Variants in GBE1 observed in about 807,000 individuals in gnomAD.
The protein encoded by GBE1 is 1,4-alpha-glucan-branching enzyme.
GBE1 carries 70 observed loss-of-function variants against 88.8 expected under a neutral mutation model. The observed-to-expected ratio is 0.79, with a 90% CI of 0.65 to 0.96. GBE1 has a LOEUF of 0.96. Ranked by LOEUF, GBE1 falls within the 40% of genes least tolerant of loss-of-function variation. The pLI is 0.00. For synonymous variants in GBE1, 284 were observed against 300.1 expected (o/e 0.95, Z 0.56); for missense variants, 872 against 871.0 (o/e 1.00, Z -0.01).
At chr3:81,609,215 C>T (rs374617307) in intron 7 of GBE1, among the ~76,000 whole-genome samples, 1 of 152,118 alleles carries the variant, frequency 6.6e-6, no homozygotes, top group African/African-American at 2.4e-5. Context: ...TTTTCAAGTG[C>T]CTTTTACTGA....
rs368795829 is a variant in GBE1 at position 81,562,283 on chromosome 3, A to G, written c.1618+15642T>C. Among the ~76,000 whole-genome samples the G allele has an allele frequency of 3.9e-5, 6 of 152,238 alleles. No individual in the cohort carries two copies. In the East Asian group the frequency reaches 1.2e-3, roughly 29 times the overall value. ...ATTACTTTCTCCCTTGATTTGTTTGATAGACCACAGTACAATACAAAATTT... is the reference window on the plus strand; with the variant it reads ...ATTACTTTCTCCCTTGATTTGTTTGGTAGACCACAGTACAATACAAAATTT... On this transcript the variant is annotated intron_variant, in intron 12 of 15. Coordinates refer to ENST00000429644, the MANE Select transcript of GBE1 (RefSeq NM_000158.4).
At chr3:81,679,849 A>T (rs926483141) in intron 2 of GBE1, among the ~76,000 whole-genome samples, 5 of 152,166 alleles carry the variant, frequency 3.3e-5, no homozygotes, top group African/African-American at 1.2e-4. Flanking sequence ...CTTATTTACC[A>T]ACCTATTTAC....
chr3:81,500,822 T>C (rs556123597), intron 14 of GBE1, among the ~76,000 whole-genome samples: 4 of 152,220 alleles, frequency 2.6e-5, no homozygotes, highest in Non-Finnish European at 5.9e-5. Context: ...GTTTTTACTA[T>C]TAAAATGCAG....
intron 12 of GBE1, among the ~76,000 whole-genome samples, chr3:81,539,589 T>C (rs1210174987): frequency 1.3e-5 from 2 of 151,974 alleles, no homozygotes; most frequent in Admixed American, 6.6e-5. Context: ...GTATAACAGA[T>C]GATGAGATTC....
At chr3:81,680,256 G>A (rs1705319026) in intron 2 of GBE1, among the ~76,000 whole-genome samples, 1 of 152,180 alleles carries the variant, frequency 6.6e-6, no homozygotes, top group Admixed American at 6.5e-5. Flanking sequence ...CGCTTTGGGA[G>A]GCCGAGGCGG....
chr3:81,513,458 G>C (rs543166198), intron 14 of GBE1, among the ~76,000 whole-genome samples: 1 of 151,476 alleles, frequency 6.6e-6, no homozygotes, highest in East Asian at 1.9e-4. Context: ...CTATGTGCTA[G>C]AGGGCAAAGA....
intron 1 of GBE1, among the ~76,000 whole-genome samples, chr3:81,739,005 T>G (rs1362412251): frequency 6.6e-6 from 1 of 152,142 alleles, no homozygotes; most frequent in African/African-American, 2.4e-5. Flanking sequence ...CATAGTTTCA[T>G]AGTTGGTGCC....
At chr3:81,642,033 C>T (rs2107057969) in intron 7 of GBE1, among the ~76,000 whole-genome samples, 1 of 151,322 alleles carries the variant, frequency 6.6e-6, no homozygotes, top group Middle Eastern at 3.5e-3. Context: ...CATTTTTTCA[C>T]TTACAATAAA....
At chr3:81,650,955 C>T (rs1008472400) in intron 3 of GBE1, among the ~76,000 whole-genome samples, 9 of 152,144 alleles carry the variant, frequency 5.9e-5, no homozygotes, top group South Asian at 2.1e-4. Context: ...AGATTACAGG[C>T]GTGAGCCAAT....
chr3:81,631,248 T>C (rs1704504264), intron 7 of GBE1, among the ~76,000 whole-genome samples: 1 of 151,870 alleles, frequency 6.6e-6, no homozygotes, highest in South Asian at 2.1e-4. Context: ...AAATGCAAAA[T>C]AAGCAAGGTA....
At chr3:81,737,214 T>C (rs532608788) in intron 1 of GBE1, among the ~76,000 whole-genome samples, 1 of 148,170 alleles carries the variant, frequency 6.7e-6, no homozygotes, top group East Asian at 2.0e-4. Context: ...GTCTGGGGTA[T>C]AGATATAAAT....
At chr3:81,645,561 G>A (rs1704751181) in intron 6 of GBE1, among the ~76,000 whole-genome samples, 1 of 152,186 alleles carries the variant, frequency 6.6e-6, no homozygotes, top group Non-Finnish European at 1.5e-5. Context: ...TTTGGAGACA[G>A]TATTATAGAT....
chr3:81,725,288 A>C (rs912412212), intron 1 of GBE1, among the ~76,000 whole-genome samples: 2 of 152,104 alleles, frequency 1.3e-5, no homozygotes, highest in Admixed American at 1.3e-4. Context: ...GCAAGTTGTA[A>C]AGCTGTACAA....
At chr3:81,740,766 G>GCATACA (rs1553695738) in intron 1 of GBE1, among the ~76,000 whole-genome samples, 1 of 149,192 alleles carries the variant, frequency 6.7e-6, no homozygotes, top group African/African-American at 2.5e-5. Context: ...GTTAGAAAGT[G>GCATACA]CACACACACA....
intron 14 of GBE1, among the ~76,000 whole-genome samples, chr3:81,511,691 C>T (rs752967352): frequency 5.3e-5 from 8 of 151,816 alleles, no homozygotes; most frequent in Non-Finnish European, 8.8e-5. Flanking sequence ...ACAACAGATG[C>T]TGACAAGGCT....
intron 13 of GBE1, among the ~76,000 whole-genome samples, chr3:81,536,663 C>T (rs1258650682): frequency 6.6e-6 from 1 of 151,908 alleles, no homozygotes. Context: ...AATAAAAATA[C>T]AAATTACTAA....
chr3:81,573,983 C>G (rs1040422727), intron 12 of GBE1, among the ~76,000 whole-genome samples: 1 of 152,152 alleles, frequency 6.6e-6, no homozygotes, highest in African/African-American at 2.4e-5. Context: ...CTCAGACTTC[C>G]TCACACATGA....
At chr3:81,539,354 G>A (rs536005944) in intron 12 of GBE1, among the ~76,000 whole-genome samples, 1 of 152,092 alleles carries the variant, frequency 6.6e-6, no homozygotes, top group Non-Finnish European at 1.5e-5. Context: ...GTTCAGTTTA[G>A]CCACAAAATA....
chr3:81,605,860 C>G (rs1704095234), intron 7 of GBE1, among the ~76,000 whole-genome samples: 1 of 152,264 alleles, frequency 6.6e-6, no homozygotes, highest in Admixed American at 6.5e-5. Context: ...AAACAGGCAG[C>G]ACTCACACTT....
Sources: allele counts gnomAD v4.1 joint callset (sites outside exome capture counted in the v4.1 genomes callset), GRCh38; gene constraint gnomAD v4.1.1; transcripts MANE v1.5; gene names NCBI Gene and HGNC (gene_info 2026-07-23, HGNC 2026-07-21).